BLM: variants seen among roughly 807,000 people sequenced by gnomAD.
BLM encodes recQ-like DNA helicase BLM.
Under a neutral mutation model 135.3 loss-of-function variants are expected in BLM, and 95 were observed. That is an observed-to-expected ratio of 0.70 (90% CI 0.59 to 0.83). The LOEUF (loss-of-function observed/expected upper bound fraction) is 0.83, where lower values mean the gene tolerates loss of function less well. BLM is among the 40% of genes least tolerant of loss of function. The probability of loss-of-function intolerance (pLI) is 0.00; values close to 1 mark genes in which losing one functional copy is unlikely to be tolerated. For synonymous variants in BLM, 520 were observed against 589.2 expected (o/e 0.88, Z 1.70); for missense variants, 1,518 against 1,663.9 (o/e 0.91, Z 1.53).
rs570440946 is a variant in BLM at position 90,718,848 on chromosome 15, C to T, written c.-5+1408C>T. On this transcript the variant is annotated intron_variant, in intron 1 of 21. Coordinates refer to ENST00000355112, the MANE Select transcript of BLM (RefSeq NM_000057.4). ...ATCATGCTGGGAAGTTCTACACATC[C>T]GCTTCAGGACAGGTGGTATTACCTA... Among the ~76,000 whole-genome samples the T allele has an allele frequency of 4.6e-5, 7 of 152,166 alleles. 1 individual carries two copies. The highest frequency in any genetic ancestry group is 4.1e-4 in the South Asian group (2 of 4,822).
At chr15:90,749,178 TG>T (rs1895593340) in intron 2 of BLM, among the ~76,000 whole-genome samples, 188 bp from the exon 3 acceptor site, 1 of 152,190 alleles carries the variant, frequency 6.6e-6, no homozygotes, top group Non-Finnish European at 1.5e-5. Flanking sequence ...AGCCTCTGAA[TG>T]GGAAGGACCA....
At chr15:90,733,121 C>T (rs1359023625) in intron 1 of BLM, among the ~76,000 whole-genome samples, 1 of 151,922 alleles carries the variant, frequency 6.6e-6, no homozygotes. Context: ...AGATGTGTAT[C>T]TTGAATTGTT....
intron 16 of BLM, among the ~76,000 whole-genome samples, chr15:90,797,598 T>C (rs1897060503): frequency 6.6e-6 from 1 of 152,062 alleles, no homozygotes; most frequent in Non-Finnish European, 1.5e-5. Flanking sequence ...TAGGGAGGGC[T>C]GCATACACAG....
At chr15:90,769,950 T>G (rs1896259628) in intron 12 of BLM, among the ~76,000 whole-genome samples, 1 of 152,132 alleles carries the variant, frequency 6.6e-6, no homozygotes, top group South Asian at 2.1e-4. Flanking sequence ...ACTTATCTAA[T>G]TTTGGCTTCC....
At chr15:90,788,073 T>C (rs545919939) in intron 14 of BLM, among the ~76,000 whole-genome samples, 22 of 151,994 alleles carry the variant, frequency 1.4e-4, no homozygotes, top group African/African-American at 4.8e-4. Context: ...GAATCAGTGA[T>C]GTAGTGAGTA....
chr15:90,804,811 C>A (rs1897251081), intron 19 of BLM, among the ~76,000 whole-genome samples: 1 of 152,022 alleles, frequency 6.6e-6, no homozygotes, highest in African/African-American at 2.4e-5. Flanking sequence ...GGATTAAAAT[C>A]TCAGAGAAAC....
chr15:90,744,297 T>C (rs906940195), intron 1 of BLM, among the ~76,000 whole-genome samples: 3 of 152,240 alleles, frequency 2.0e-5, no homozygotes, highest in Non-Finnish European at 4.4e-5. Flanking sequence ...TATTTATTCA[T>C]GTGGGAAAGA....
Position 90,747,491 on chromosome 15 carries a change from G to C in BLM, c.98+1G>C, listed in dbSNP as rs750293380. On this transcript the variant is annotated splice_donor_variant, in intron 2 of 21. Transcript: ENST00000355112. LOFTEE classifies it high-confidence loss of function. ...TAAGTCTTTCAAAACCAAAATTTTC[G>C]TAAGTGTTTTGACTGGTTTGCTGTC... 1.4e-5 allele frequency: 22 copies of C among 1,591,844 alleles called. No individual in the cohort carries two copies. Among genetic ancestry groups the C allele is most frequent in the Non-Finnish European group, 1.8e-5 (21 of 1,163,758 alleles).
chr15:90,750,158 T>G, intron 3 of BLM, 91 bp downstream of exon 3: 1 of 1,401,558 alleles, frequency 7.1e-7, no homozygotes, highest in Non-Finnish European at 9.9e-7. Context: ...ATATAGAGCT[T>G]TTGTCCTTAA....
chr15:90,741,687 A>G (rs941801959), intron 1 of BLM, among the ~76,000 whole-genome samples: 3 of 152,176 alleles, frequency 2.0e-5, no homozygotes, highest in African/African-American at 7.2e-5. Context: ...AGTTCTAATT[A>G]TCTATTGTTA....
chr15:90,737,931 G>A (rs1255395648), intron 1 of BLM, among the ~76,000 whole-genome samples: 1 of 152,016 alleles, frequency 6.6e-6, no homozygotes, highest in East Asian at 1.9e-4. Context: ...GATGGACTAA[G>A]AAAAAATAAG....
At chr15:90,753,259 AAGAG>A (rs1041563576) in intron 4 of BLM, among the ~76,000 whole-genome samples, 2 of 152,146 alleles carry the variant, frequency 1.3e-5, no homozygotes, top group Admixed American at 6.5e-5. Context: ...AAAAATTAAA[AAGAG>A]AGAGAGAAGG....
chr15:90,769,402 A>G (rs200191743), intron 11 of BLM, 36 bp from the exon 12 acceptor site: 1 of 1,613,340 alleles, frequency 6.2e-7, no homozygotes, highest in East Asian at 2.2e-5. Context: ...GGAAGCTCCA[A>G]GTAGTCTGAA....
rs775878725 is a variant in BLM at position 90,760,924 on chromosome 15, C to T, written c.1551C>T (p.Ser517=). 1.1e-5 allele frequency: 17 copies of T among 1,613,822 alleles called. No individual in the cohort carries two copies. The South Asian group carries it at 1.3e-4, about 13-fold the overall frequency. The part of the protein sequence containing the change: ...ETPRLGKKNE[S]SYFPGNVLTS... ...CAAGACTAGGAAAAAAAAATGAAAG[C>T]TCTTATTTCCCAGGAAATGTTCTCA... Residue 517 remains serine (S), a synonymous_variant, in exon 7 of 22, where the codon AGC becomes AGT. Transcript: ENST00000355112.
intron 19 of BLM, among the ~76,000 whole-genome samples, chr15:90,806,069 C>A (rs1897278855): frequency 1.3e-5 from 2 of 151,984 alleles, no homozygotes; most frequent in Non-Finnish European, 2.9e-5. Flanking sequence ...AAATCAATGT[C>A]CAAATCAGTA....
At chr15:90,724,377 A>G (rs1210344382) in intron 1 of BLM, among the ~76,000 whole-genome samples, 2 of 151,990 alleles carry the variant, frequency 1.3e-5, no homozygotes, top group African/African-American at 4.8e-5. Context: ...AGAAAACTCC[A>G]TTTCCTCTCT....
chr15:90,784,922 T>A lies in BLM; in HGVS notation c.2664T>A (p.Tyr888Ter). Residue 888 changes from tyrosine to a stop codon, truncating the protein, a stop_gained and splice_region_variant, in exon 14 of 22, where the codon TAT becomes TAA. Coordinates refer to ENST00000355112, the MANE Select transcript of BLM (RefSeq NM_000057.4). LOFTEE classifies it high-confidence loss of function. ...CLEWIRKHHP[Y>*]DSGIIYCLSR... ...TCAGTACTCTTGGTTTCTTGGCAGATGATTCAGGGATAATTTACTGCCTCT... is the reference window on the plus strand; with the variant it reads ...TCAGTACTCTTGGTTTCTTGGCAGAAGATTCAGGGATAATTTACTGCCTCT... 1.2e-6 allele frequency: 2 copies of A among 1,613,012 alleles called. No homozygotes were observed. Among genetic ancestry groups the A allele is most frequent in the Non-Finnish European group, 1.7e-6 (2 of 1,179,186 alleles).
At position 90,760,650 on chromosome 15, in the gene BLM, C is replaced by G; in HGVS notation, c.1277C>G (p.Ser426Ter). The G allele has an allele frequency of 6.2e-7, 1 of 1,613,190 alleles. No homozygotes were observed. The highest frequency in any genetic ancestry group is 8.5e-7 in the Non-Finnish European group (1 of 1,179,326). ...AAAAGTGATGCCAGTCTTCTTGGCT[C>G]ATTGTGGAGATACAGGCCTGATTCA... ...FNKSDASLLG[S>*]LWRYRPDSLD... The change falls in exon 7 of 22, where the codon TCA becomes TGA. Residue 426 changes from serine (S) to a stop codon, truncating the protein, a stop_gained. Coordinates refer to ENST00000355112, the MANE Select transcript of BLM (RefSeq NM_000057.4). LOFTEE classifies it high-confidence loss of function.
At position 90,811,286 on chromosome 15, in the gene BLM, T is replaced by A; in HGVS notation, c.3956T>A (p.Ile1319Lys). Residue 1319 changes from isoleucine to lysine, a missense_variant, in exon 21 of 22, where the codon ATA becomes AAA. Physicochemically the swap from Ile to Lys is moderately radical, Grantham distance 102. This residue lies in a region of BLM where 153 missense variants were observed against 173.4 expected (regional missense o/e 0.88). Coordinates refer to ENST00000355112, the MANE Select transcript of BLM (RefSeq NM_000057.4). Reference protein sequence around the residue: ...RSAAEELDEEIPVSSHYFASK... With the variant: ...RSAAEELDEEKPVSSHYFASK... ...GCCGCTGAGGAGCTCGACGAGGAAATACCCGTATCTTCCCACTACTTTGCA... is the reference window on the plus strand; with the variant it reads ...GCCGCTGAGGAGCTCGACGAGGAAAAACCCGTATCTTCCCACTACTTTGCA... The A allele has an allele frequency of 6.2e-7, 1 of 1,614,098 alleles. No individual in the cohort carries two copies. The highest frequency in any genetic ancestry group is 1.1e-5 in the South Asian group (1 of 91,086).
Sources: allele counts gnomAD v4.1 joint callset (sites outside exome capture counted in the v4.1 genomes callset), GRCh38; gene constraint gnomAD v4.1.1; regional missense constraint gnomAD v4.1.1; transcripts MANE v1.5; gene names NCBI Gene and HGNC (gene_info 2026-07-23, HGNC 2026-07-21).